The following AK3 variants were observed in gnomAD, a reference collection of about 807,000 sequenced individuals.
AK3 encodes adenylate kinase 3, also known as GTP:AMP phosphotransferase AK3, mitochondrial.
A neutral mutation model predicts 23.7 loss-of-function variants in AK3; 27 were observed. The observed-to-expected ratio is 1.14, with a 90% CI of 0.84 to 1.57. The LOEUF (loss-of-function observed/expected upper bound fraction) is 1.57, where lower values mean the gene tolerates loss of function less well. Ranked by LOEUF, AK3 falls within the 40% of genes most tolerant of loss-of-function variation. AK3 has a pLI of 0.00. For synonymous variants in AK3, 159 were observed against 116.0 expected (o/e 1.37, Z -2.38); for missense variants, 406 against 285.6 (o/e 1.42, Z -3.04).
chr9:4,718,219 A>G (rs931680588), intron 4 of AK3, among the ~76,000 whole-genome samples, 200 bp downstream of exon 4: 6 of 152,258 alleles, frequency 3.9e-5, no homozygotes, highest in Admixed American at 2.6e-4. Context: ...GAACGGCTAC[A>G]CTGATCAAAC....
chr9:4,716,880 A>C (rs1426680787), intron 4 of AK3, among the ~76,000 whole-genome samples: 1 of 152,186 alleles, frequency 6.6e-6, no homozygotes, highest in Admixed American at 6.5e-5. Context: ...GTAGTGAACT[A>C]TGAAAGAACC....
At chr9:4,728,049 G>C (rs1384610381) in intron 1 of AK3, among the ~76,000 whole-genome samples, 1 of 152,096 alleles carries the variant, frequency 6.6e-6, no homozygotes, top group Non-Finnish European at 1.5e-5. Context: ...AATTATAATA[G>C]TAACATCAAA....
chr9:4,735,133 C>T (rs1348953346), intron 1 of AK3, among the ~76,000 whole-genome samples: 1 of 149,508 alleles, frequency 6.7e-6, no homozygotes, highest in Admixed American at 6.8e-5. Flanking sequence ...GTGGCTCATG[C>T]CTGTAATCCC....
chr9:4,720,689 C>CCAAAA (rs1841872973), intron 2 of AK3, among the ~76,000 whole-genome samples: 1 of 140,198 alleles, frequency 7.1e-6, no homozygotes. Flanking sequence ...ACACTGTCTC[C>CCAAAA]AAAAAAAAAA....
Position 4,722,516 on chromosome 9 carries a change from C to A in AK3, c.261G>T (p.Trp87Cys), listed in dbSNP as rs1191416655. 2.5e-6 allele frequency: 4 copies of A among 1,613,968 alleles called. No individual in the cohort carries two copies. In the African/African-American group the frequency reaches 4.0e-5, roughly 16 times the overall value. The change falls in exon 2 of 5, where the codon TGG becomes TGT. Residue 87 changes from tryptophan (W) to cysteine (C), a missense_variant. By Grantham distance (215) the Trp-to-Cys change is radical. Coordinates refer to ENST00000381809, the MANE Select transcript of AK3 (RefSeq NM_016282.4). ...TGAGACTCCACTTACCATCCAACAG[C>A]CAGCTATACTGGGTGAGATTTTTCA... Reference protein sequence around the residue: ...HELKNLTQYSWLLDGFPRTLP... With the variant: ...HELKNLTQYSCLLDGFPRTLP...
At chr9:4,729,265 C>G (rs1337805579) in intron 1 of AK3, among the ~76,000 whole-genome samples, 1 of 152,064 alleles carries the variant, frequency 6.6e-6, no homozygotes, top group Non-Finnish European at 1.5e-5. Context: ...CCACCTTTGC[C>G]TCCCAAAGTG....
intron 4 of AK3, among the ~76,000 whole-genome samples, chr9:4,717,782 G>A (rs2130876938): frequency 6.6e-6 from 1 of 152,324 alleles, no homozygotes; most frequent in Admixed American, 6.5e-5. Flanking sequence ...TAATCTAAGT[G>A]TTCTGAGCAT....
chr9:4,719,192 C>T lies in AK3; in HGVS notation c.387G>A (p.Trp129Ter), dbSNP rs548763347. The T allele has an allele frequency of 1.9e-6, 3 of 1,611,834 alleles. No homozygotes were observed. Among genetic ancestry groups the T allele is most frequent in the East Asian group, 2.2e-5 (1 of 44,884 alleles). ...EVIKQRLTAR[W>*]IHPASGRVYN... ...AGACTCGGCCACTGGCGGGATGAAT[C>T]CAGCGAGCAGTAAGGCGTTGTTTAA... Residue 129 changes from tryptophan to a stop codon, truncating the protein, a stop_gained, in exon 3 of 5, where the codon TGG (tryptophan) becomes TGA (stop). Transcript: ENST00000381809. LOFTEE classifies it high-confidence loss of function.
At chr9:4,741,374 C>T, upstream of AK3, 2 of 316,028 alleles carry the variant, frequency 6.3e-6, no homozygotes, top group Non-Finnish European at 5.7e-6. Flanking sequence ...CCCCTCTGCG[C>T]TCGCTCGGCC....
intron 1 of AK3, among the ~76,000 whole-genome samples, chr9:4,729,015 A>ATTTTTTTTTT (rs375640249): frequency 3.1e-5 from 4 of 129,450 alleles, no homozygotes; most frequent in African/African-American, 1.2e-4. Flanking sequence ...ATATATATAT[A>ATTTTTTTTTT]TTTTTTTTTT....
rs1354171251 is a variant in AK3 at position 4,740,957 on chromosome 9, T to C, written c.131A>G (p.Asp44Gly). 1.3e-6 allele frequency: 2 copies of C among 1,576,060 alleles called. No homozygotes were observed. The highest frequency in any genetic ancestry group is 1.7e-6 in the Non-Finnish European group (2 of 1,163,498). Residue 44 changes from aspartate to glycine, a missense_variant, in exon 1 of 5, where the codon GAC (aspartate) becomes GGC (glycine). By Grantham distance (94) the Asp-to-Gly change is moderately conservative. Coordinates refer to ENST00000381809, the MANE Select transcript of AK3 (RefSeq NM_016282.4). ...KHLSSGDLLR[D>G]NMLRGTEIGV... Reference sequence around the variant, plus strand: ...CCCACCTGTGCCCCGCAGCATGTTGTCCCGGAGCAGGTCCCCGCTGGAGAG... The same window carrying C: ...CCCACCTGTGCCCCGCAGCATGTTGCCCCGGAGCAGGTCCCCGCTGGAGAG...
At chr9:4,737,420 C>T (rs1443867741) in intron 1 of AK3, among the ~76,000 whole-genome samples, 1 of 152,172 alleles carries the variant, frequency 6.6e-6, no homozygotes, top group Non-Finnish European at 1.5e-5. Context: ...ATACTGTTTA[C>T]TATCAAGCAA....
intron 1 of AK3, among the ~76,000 whole-genome samples, chr9:4,731,279 T>A (rs1461318985): frequency 6.6e-6 from 1 of 152,072 alleles, no homozygotes; most frequent in Non-Finnish European, 1.5e-5. Flanking sequence ...CCCACCTCCA[T>A]CCTCTGAAAG....
At chr9:4,720,714 A>G (rs1841874189) in intron 2 of AK3, among the ~76,000 whole-genome samples, 1 of 151,310 alleles carries the variant, frequency 6.6e-6, no homozygotes, top group Non-Finnish European at 1.5e-5. Context: ...GACAAAGGTT[A>G]AAACCGCACA....
intron 1 of AK3, among the ~76,000 whole-genome samples, chr9:4,727,445 G>A (rs1250425104): frequency 6.6e-6 from 1 of 152,114 alleles, no homozygotes; most frequent in Non-Finnish European, 1.5e-5. Context: ...TTATAGAGAC[G>A]GCTTCTTTCC....
chr9:4,715,611 C>T (rs564474613), intron 4 of AK3, among the ~76,000 whole-genome samples: 1 of 152,148 alleles, frequency 6.6e-6, no homozygotes, highest in Admixed American at 6.5e-5. Context: ...GTTGCCCAGG[C>T]TGATCTTGAA....
At chr9:4,735,127 C>T (rs936699561) in intron 1 of AK3, among the ~76,000 whole-genome samples, 6 of 149,794 alleles carry the variant, frequency 4.0e-5, no homozygotes, top group Non-Finnish European at 8.9e-5. Context: ...GGCACTGTGG[C>T]TCATGCCTGT....
upstream of AK3, chr9:4,741,313 C>T: frequency 9.7e-6 from 4 of 412,668 alleles, no homozygotes; most frequent in Non-Finnish European, 1.6e-5. Flanking sequence ...ACCCCCCGCC[C>T]CCGACCGAGC....
rs1260901368 is a variant in AK3 at position 4,710,996 on chromosome 9, G to A, written c.*1980C>T. ...GCAAAACTTTGGGCTAAGTGTTTGCGGGTGGGGAGGGAATGGTCACAGGAA... is the reference window on the plus strand; with the variant it reads ...GCAAAACTTTGGGCTAAGTGTTTGCAGGTGGGGAGGGAATGGTCACAGGAA... On this transcript the variant is annotated 3_prime_UTR_variant, in exon 5 of 5. Transcript: ENST00000381809. 3.3e-5 allele frequency: 5 copies of A among 152,182 alleles called. No homozygotes were observed. The highest frequency in any genetic ancestry group is 7.3e-5 in the Non-Finnish European group (5 of 68,044). 9.4% of individuals were successfully genotyped at this position (152,182 alleles called of 1,614,324 possible). A position where few individuals can be genotyped will look rare whatever the true frequency, so the allele number is the denominator to read the frequency against.
Sources: gnomAD v4.1 joint callset for allele counts (sites outside exome capture counted in the v4.1 genomes callset) on GRCh38, gnomAD v4.1.1 for gene constraint, MANE v1.5 for transcripts, NCBI Gene and HGNC (gene_info 2026-07-23, HGNC 2026-07-21) for gene names.